Variants in TMPRSS9 observed in about 807,000 individuals in gnomAD.
TMPRSS9 encodes the protein transmembrane serine protease 9, also known as transmembrane protease serine 9.
In TMPRSS9, 113 loss-of-function variants were observed where a neutral mutation model predicts 111.4. The observed-to-expected ratio is 1.01, with a 90% CI of 0.87 to 1.19. The LOEUF (loss-of-function observed/expected upper bound fraction) is 1.19. TMPRSS9 is among the 50% of genes most tolerant of loss of function. The pLI, the probability that TMPRSS9 is intolerant of heterozygous loss-of-function variation, is 0.00. For missense variants in TMPRSS9, 1,803 were observed against 1,513.1 expected (o/e 1.19, Z -3.18); for synonymous variants, 805 against 659.1 (o/e 1.22, Z -3.39).
At chr19:2,412,617 TCTC>T (rs1243488979) in intron 9 of TMPRSS9, among the ~76,000 whole-genome samples, 9 of 152,136 alleles carry the variant, frequency 5.9e-5, no homozygotes, top group African/African-American at 2.2e-4. Flanking sequence ...GAGAAAGCTT[TCTC>T]TTGTGTCTTG....
In TMPRSS9 at chr19:2,420,175, C is replaced by T. The variant is rs561817131; in HGVS notation, c.2155-1679C>T. ...AGACCCTATCTCAAAAAACGAAGGG[C>T]GGGTGCAGTGGCATGCATTTTGGGA... On this transcript the variant is annotated intron_variant, in intron 13 of 17. Transcript: ENST00000648592. 2.7e-5 allele frequency among the ~76,000 whole-genome samples: 4 copies of T among 149,944 alleles called. No homozygotes were observed. In the South Asian group the frequency reaches 8.5e-4, roughly 32 times the overall value.
intron 1 of TMPRSS9, among the ~76,000 whole-genome samples, chr19:2,393,826 A>C (rs1970649957): frequency 6.9e-6 from 1 of 144,660 alleles, no homozygotes; most frequent in Non-Finnish European, 1.5e-5. Flanking sequence ...TGAACCCGGG[A>C]AGTGGAGGTT....
intron 1 of TMPRSS9, among the ~76,000 whole-genome samples, chr19:2,383,799 C>T (rs1397215880): frequency 6.6e-6 from 1 of 150,438 alleles, no homozygotes; most frequent in African/African-American, 2.4e-5. Context: ...GTGAGACCCC[C>T]CCATCTCAAA....
At chr19:2,409,740 G>C (rs1234458382) in intron 8 of TMPRSS9, among the ~76,000 whole-genome samples, 1 of 152,040 alleles carries the variant, frequency 6.6e-6, no homozygotes, top group African/African-American at 2.4e-5. Flanking sequence ...TGGGAGGACA[G>C]CAGGGCAGGG....
exon 14 of TMPRSS9, chr19:2,422,140 T>A: frequency 6.3e-7 from 1 of 1,592,844 alleles, no homozygotes; most frequent in Non-Finnish European, 8.6e-7. Context: ...GCCAGCAGGG[T>A]GACGGGCCAA....
At chr19:2,380,985 G>T (rs1395774998) in intron 1 of TMPRSS9, among the ~76,000 whole-genome samples, 1 of 152,004 alleles carries the variant, frequency 6.6e-6, no homozygotes, top group African/African-American at 2.4e-5. Context: ...TCCCCTGACG[G>T]CGTGTCTAAA....
intron 17 of TMPRSS9, 83 bp downstream of exon 18, chr19:2,425,576 C>T (rs983857484): frequency 7.1e-7 from 1 of 1,403,538 alleles, no homozygotes; most frequent in South Asian, 1.5e-5. Flanking sequence ...AGCCCACCAT[C>T]CGGGAGCCAC....
intron 1 of TMPRSS9, among the ~76,000 whole-genome samples, chr19:2,367,981 G>A (rs1193065719): frequency 1.3e-5 from 2 of 152,172 alleles, no homozygotes; most frequent in Non-Finnish European, 2.9e-5. Context: ...AAAATGTTGG[G>A]ATTATAGGCA....
At chr19:2,384,333 T>C (rs1484813411) in intron 1 of TMPRSS9, among the ~76,000 whole-genome samples, 4 of 152,104 alleles carry the variant, frequency 2.6e-5, no homozygotes, top group Non-Finnish European at 5.9e-5. Flanking sequence ...ACTGAGAACA[T>C]GCAGAGTTTG....
intron 6 of TMPRSS9, among the ~76,000 whole-genome samples, chr19:2,403,585 G>A (rs551855398): frequency 5.3e-5 from 8 of 151,924 alleles, no homozygotes; most frequent in South Asian, 4.1e-4. Context: ...AGCAGGGTGC[G>A]GTGGCTCACA....
intron 9 of TMPRSS9, among the ~76,000 whole-genome samples, chr19:2,412,812 G>C (rs1971124310): frequency 6.6e-6 from 1 of 152,136 alleles, no homozygotes; most frequent in Non-Finnish European, 1.5e-5. Flanking sequence ...GAAAAGATGG[G>C]AGAGACTGCT....
exon 1 of TMPRSS9, chr19:2,389,894 A>T (rs1177052610): frequency 1.2e-6 from 2 of 1,613,408 alleles, no homozygotes; most frequent in Non-Finnish European, 1.7e-6. Flanking sequence ...GGTGGCCACC[A>T]GCCTTGTCGT....
intron 8 of TMPRSS9, among the ~76,000 whole-genome samples, chr19:2,409,021 AATAATAATAATGATG>A (rs1476628796): frequency 1.6e-4 from 23 of 143,286 alleles, no homozygotes; most frequent in African/African-American, 6.0e-4. Flanking sequence ...TAATAATAAT[AATAATAATAATGATG>A]ATGCAGAAAA....
intron 12 of TMPRSS9, 79 bp from the exon 14 acceptor site, chr19:2,417,923 C>A: frequency 6.4e-7 from 1 of 1,567,300 alleles, no homozygotes; most frequent in Non-Finnish European, 8.7e-7. Context: ...TGCTGCATCT[C>A]GGGGCTGTTA....
intron 9 of TMPRSS9, 46 bp downstream of exon 10, chr19:2,410,440 A>T (rs985076512): frequency 6.2e-7 from 1 of 1,606,362 alleles, no homozygotes; most frequent in African/African-American, 1.3e-5. Context: ...AGAAATAGAC[A>T]CGAGCATGTT....
chr19:2,393,168 C>G (rs747048963), intron 1 of TMPRSS9, among the ~76,000 whole-genome samples: 5 of 152,144 alleles, frequency 3.3e-5, no homozygotes, highest in Non-Finnish European at 2.9e-5. Context: ...GCTTGGGGAC[C>G]TTTTCACAGT....
upstream of TMPRSS9, among the ~76,000 whole-genome samples, chr19:2,385,284 G>C (rs1399088388): frequency 1.3e-5 from 2 of 152,068 alleles, no homozygotes; most frequent in Non-Finnish European, 2.9e-5. Flanking sequence ...GGTGGAGTCT[G>C]CCTGCCCCAG....
intron 1 of TMPRSS9, among the ~76,000 whole-genome samples, chr19:2,361,070 C>A (rs1384955334): frequency 6.9e-6 from 1 of 145,854 alleles, no homozygotes; most frequent in Non-Finnish European, 1.5e-5. Context: ...AAAGCAAGAA[C>A]CAAGCATCAG....
intron 10 of TMPRSS9, among the ~76,000 whole-genome samples, chr19:2,414,930 G>C (rs534140147): frequency 4.7e-5 from 7 of 147,890 alleles, no homozygotes; most frequent in Non-Finnish European, 1.0e-4. Flanking sequence ...AAAACTGTTA[G>C]TTGCATTCCT....
Sources: allele counts gnomAD v4.1 joint callset (sites outside exome capture counted in the v4.1 genomes callset), GRCh38; gene constraint gnomAD v4.1.1; transcripts MANE v1.5; gene names NCBI Gene and HGNC (gene_info 2026-07-23, HGNC 2026-07-21).